CSNK1G1: variants seen among roughly 807,000 people sequenced by gnomAD.
The protein encoded by CSNK1G1 is casein kinase I isoform gamma-1.
A neutral mutation model predicts 59.6 loss-of-function variants in CSNK1G1; 22 were observed. The observed-to-expected ratio is 0.37, with a 90% CI of 0.26 to 0.53. The LOEUF is 0.53. Among genes scored for constraint, CSNK1G1 ranks in the 20% least tolerant of loss-of-function variants. The pLI is 0.89. For missense variants in CSNK1G1, 384 were observed against 519.5 expected (o/e 0.74, Z 2.54); for synonymous variants, 179 against 177.1 (o/e 1.01, Z -0.08).
rs201088366 is a variant in CSNK1G1 at position 64,354,608 on chromosome 15, A to AT, written c.-225+1379dup. ...AGACACTGAAAGTCCTATTGTATGC[A>AT]TTTTTTTTTCAAAATTATCCGGTTG... On this transcript the variant is annotated intron_variant, in intron 1 of 11. Coordinates refer to ENST00000303052, the MANE Select transcript of CSNK1G1 (RefSeq NM_022048.5). Among the ~76,000 whole-genome samples, 97 of 151,282 alleles carry AT rather than the reference A, an allele frequency of 6.4e-4. No homozygotes were observed. In the East Asian group the frequency reaches 0.011, roughly 18 times the overall value.
intron 1 of CSNK1G1, among the ~76,000 whole-genome samples, chr15:64,325,114 T>C (rs1896776042): frequency 6.6e-6 from 1 of 152,246 alleles, no homozygotes. Flanking sequence ...TTTCAGTATT[T>C]GTGACATCTG....
chr15:64,189,525 A>AT, intron 10 of CSNK1G1: 1 of 1,156,198 alleles, frequency 8.6e-7, no homozygotes, highest in Non-Finnish European at 1.1e-6. Context: ...GCAATGAGGG[A>AT]TTAGTAAATC....
chr15:64,275,558 T>C (rs1893562424), intron 2 of CSNK1G1, among the ~76,000 whole-genome samples: 1 of 152,118 alleles, frequency 6.6e-6, no homozygotes, highest in African/African-American at 2.4e-5. Flanking sequence ...TCAACAACAA[T>C]AAGTACATTA....
At chr15:64,262,373 G>A (rs1180059087) in intron 2 of CSNK1G1, among the ~76,000 whole-genome samples, 1 of 152,246 alleles carries the variant, frequency 6.6e-6, no homozygotes, top group East Asian at 1.9e-4. Flanking sequence ...CACTTGAAGT[G>A]AGTCCTGACG....
At chr15:64,180,568 A>G in intron 10 of CSNK1G1, 114 bp from the exon 11 acceptor site, 1 of 792,448 alleles carries the variant, frequency 1.3e-6, no homozygotes, top group East Asian at 2.6e-5. Context: ...TTCCTGGGTT[A>G]AGGGATCAAT....
intron 7 of CSNK1G1, among the ~76,000 whole-genome samples, chr15:64,206,377 T>C (rs1596092530): frequency 6.6e-6 from 1 of 151,196 alleles, no homozygotes; most frequent in African/African-American, 2.4e-5. Flanking sequence ...GAGGCGGAGG[T>C]TGCAGTGAGC....
intron 5 of CSNK1G1, among the ~76,000 whole-genome samples, chr15:64,215,240 T>G (rs1452445909): frequency 1.1e-4 from 15 of 132,786 alleles, no homozygotes; most frequent in South Asian, 2.6e-4. Context: ...TGAGATGGAG[T>G]CTTGCTCTGT....
At chr15:64,303,731 C>A (rs1198344472) in intron 1 of CSNK1G1, among the ~76,000 whole-genome samples, 1 of 143,750 alleles carries the variant, frequency 7.0e-6, no homozygotes, top group Non-Finnish European at 1.5e-5. Flanking sequence ...GCCTGGGCGA[C>A]AAGAGCAAAA....
intron 4 of CSNK1G1, among the ~76,000 whole-genome samples, chr15:64,224,285 T>A (rs8034754): frequency 6.6e-6 from 1 of 152,066 alleles, no homozygotes; most frequent in African/African-American, 2.4e-5. Flanking sequence ...TGCTCTGTAA[T>A]GTTTCTGAGG....
intron 2 of CSNK1G1, among the ~76,000 whole-genome samples, chr15:64,275,620 G>A (rs1893565323): frequency 1.3e-5 from 2 of 152,028 alleles, no homozygotes; most frequent in South Asian, 4.1e-4. Flanking sequence ...GGTATATACA[G>A]CATGTTTATT....
At chr15:64,231,582 G>A (rs1395655364) in intron 4 of CSNK1G1, among the ~76,000 whole-genome samples, 1 of 151,668 alleles carries the variant, frequency 6.6e-6, no homozygotes, top group South Asian at 2.1e-4. Flanking sequence ...TGCATGAACA[G>A]AGACATAGCA....
At chr15:64,307,191 T>C (rs1895724309) in intron 1 of CSNK1G1, among the ~76,000 whole-genome samples, 1 of 151,952 alleles carries the variant, frequency 6.6e-6, no homozygotes, top group Admixed American at 6.6e-5. Context: ...ACTACAAATG[T>C]AGCATAGTAA....
intron 1 of CSNK1G1, among the ~76,000 whole-genome samples, chr15:64,304,282 C>T (rs939898311): frequency 6.8e-5 from 10 of 146,928 alleles, no homozygotes; most frequent in African/African-American, 2.5e-4. Context: ...ACTTGGGTGG[C>T]TGAGGCAGGA....
chr15:64,316,469 G>A (rs1220251197), intron 1 of CSNK1G1, among the ~76,000 whole-genome samples: 1 of 149,746 alleles, frequency 6.7e-6, no homozygotes, highest in Non-Finnish European at 1.5e-5. Flanking sequence ...TCAGGAGGTG[G>A]AGGGTGCAGT....
intron 2 of CSNK1G1, among the ~76,000 whole-genome samples, chr15:64,289,552 A>T (rs970370414): frequency 6.6e-6 from 1 of 152,188 alleles, no homozygotes; most frequent in Non-Finnish European, 1.5e-5. Context: ...AAGAAAATTA[A>T]AATGCACAAC....
intron 4 of CSNK1G1, among the ~76,000 whole-genome samples, chr15:64,217,904 T>C (rs140867536): frequency 1.6e-3 from 242 of 152,250 alleles, no homozygotes; most frequent in African/African-American, 5.6e-3. Context: ...TTTATGTATA[T>C]AGTGGTCTAC....
intron 4 of CSNK1G1, among the ~76,000 whole-genome samples, chr15:64,241,820 AC>A (rs918521181): frequency 2.7e-5 from 4 of 150,048 alleles, no homozygotes; most frequent in African/African-American, 7.5e-5. Context: ...GAAAAAAAAA[AC>A]AAGTCTAAAT....
At chr15:64,187,197 T>A (rs2081908658) in intron 10 of CSNK1G1, among the ~76,000 whole-genome samples, 1 of 151,374 alleles carries the variant, frequency 6.6e-6, no homozygotes, top group Non-Finnish European at 1.5e-5. Flanking sequence ...CCATCATGGT[T>A]TTTTTTGGGG....
chr15:64,277,806 A>G, intron 2 of CSNK1G1, among the ~76,000 whole-genome samples: 1 of 135,130 alleles, frequency 7.4e-6, no homozygotes, highest in South Asian at 2.2e-4. Flanking sequence ...TATATTTAAT[A>G]TATTAATATT....
Sources: gnomAD v4.1 joint callset for allele counts (sites outside exome capture counted in the v4.1 genomes callset) on GRCh38, gnomAD v4.1.1 for gene constraint, MANE v1.5 for transcripts, NCBI Gene and HGNC (gene_info 2026-07-23, HGNC 2026-07-21) for gene names.